The following WLS variants were observed in gnomAD, a reference collection of about 807,000 sequenced individuals.
The protein encoded by WLS is protein wntless homolog.
In WLS, 23 loss-of-function variants were observed where a neutral mutation model predicts 62.8. The observed-to-expected ratio is 0.37, with a 90% CI of 0.26 to 0.52. WLS has a LOEUF of 0.52. Ranked by LOEUF, WLS falls within the 20% of genes least tolerant of loss-of-function variation. The pLI, the probability that WLS is intolerant of heterozygous loss-of-function variation, is 0.92. For synonymous variants in WLS, 246 were observed against 244.1 expected, an observed-to-expected ratio of 1.01 and a Z score of -0.07; for missense variants, 615 against 697.3, an observed-to-expected ratio of 0.88 and a Z score of 1.33.
intron 11 of WLS, among the ~76,000 whole-genome samples, chr1:68,119,784 C>T (rs1646341420): frequency 6.6e-6 from 1 of 152,216 alleles, no homozygotes; most frequent in African/African-American, 2.4e-5. Context: ...AAGGCACAAA[C>T]GCTGTTTTAA....
rs112323133 is a variant in WLS, at chr1:68,204,719, C to T, written c.107-10492G>A. On this transcript the variant is annotated intron_variant, in intron 1 of 11. Coordinates refer to ENST00000262348, the MANE Select transcript of WLS (RefSeq NM_024911.7). ...TCTAGCTCAAGGGCCGTCTCTCCTT[C>T]ATTCAATTTGTTAAATGCCTATAGT... 1.2e-3 allele frequency among the ~76,000 whole-genome samples: 177 copies of T among 152,310 alleles called. 1 individual carries two copies. The highest frequency in any genetic ancestry group is 4.2e-3 in the African/African-American group (173 of 41,556).
chr1:68,136,256 T>C (rs544203754), intron 11 of WLS, among the ~76,000 whole-genome samples: 2 of 152,236 alleles, frequency 1.3e-5, no homozygotes, highest in African/African-American at 4.8e-5. Flanking sequence ...AATCTAGAAC[T>C]CTTACTTCTA....
At chr1:68,210,287 C>T (rs1649460180) in intron 1 of WLS, among the ~76,000 whole-genome samples, 1 of 152,118 alleles carries the variant, frequency 6.6e-6, no homozygotes, top group African/African-American at 2.4e-5. Flanking sequence ...GGAGTCTAAA[C>T]CAGACCAGGG....
chr1:68,220,686 G>A (rs1297601581), intron 1 of WLS, among the ~76,000 whole-genome samples: 2 of 152,040 alleles, frequency 1.3e-5, no homozygotes, highest in African/African-American at 4.8e-5. Context: ...GGAAAACCTC[G>A]AGCCAACACT....
intron 1 of WLS, among the ~76,000 whole-genome samples, chr1:68,228,520 A>G (rs1650259838): frequency 6.6e-6 from 1 of 152,108 alleles, no homozygotes; most frequent in South Asian, 2.1e-4. Context: ...AATTCACCCA[A>G]CATGAAATCA....
At position 68,137,768 on chromosome 1, in the gene WLS, A is replaced by G. The variant is rs1481796659; in HGVS notation, c.1516+12T>C. The G allele has an allele frequency of 6.2e-7, 1 of 1,612,968 alleles. No homozygotes were observed. The highest frequency in any genetic ancestry group is 8.5e-7 in the Non-Finnish European group (1 of 1,179,512). On this transcript the variant is annotated intron_variant, in intron 11 of 11. Coordinates refer to ENST00000262348, the MANE Select transcript of WLS (RefSeq NM_024911.7). ...TCCTGACTTAAGCTGTTCTAAAGAGACAGAAACTCACCATTGGACTGGTCT... is the reference window on the plus strand; with the variant it reads ...TCCTGACTTAAGCTGTTCTAAAGAGGCAGAAACTCACCATTGGACTGGTCT...
intron 3 of WLS, among the ~76,000 whole-genome samples, 172 bp downstream of exon 3, chr1:68,158,951 G>C (rs964565057): frequency 1.3e-5 from 2 of 152,200 alleles, no homozygotes; most frequent in African/African-American, 4.8e-5. Context: ...CAAAAGCAAA[G>C]TTAGGAAAGG....
intron 7 of WLS, among the ~76,000 whole-genome samples, 166 bp from the exon 8 acceptor site, chr1:68,148,365 G>A (rs988475650): frequency 1.3e-5 from 2 of 152,120 alleles, no homozygotes; most frequent in African/African-American, 4.8e-5. Flanking sequence ...AGAATACATC[G>A]GCCCAAATAT....
At chr1:68,222,792 G>T (rs897881956) in intron 1 of WLS, among the ~76,000 whole-genome samples, 1 of 151,770 alleles carries the variant, frequency 6.6e-6, no homozygotes, top group African/African-American at 2.4e-5. Flanking sequence ...AAAGTGTATG[G>T]ATACAATGGA....
At chr1:68,178,303 G>A (rs549834222) in intron 2 of WLS, among the ~76,000 whole-genome samples, 4 of 152,162 alleles carry the variant, frequency 2.6e-5, no homozygotes, top group Non-Finnish European at 5.9e-5. Flanking sequence ...CCATGAATTA[G>A]ACTGTGAGCT....
At chr1:68,222,855 A>G (rs2915124) in intron 1 of WLS, among the ~76,000 whole-genome samples, 47,783 of 144,002 alleles carry the variant, frequency 0.33, 8,825 homozygotes, top group East Asian at 0.83. Flanking sequence ...TTTAGGGTGG[A>G]ATCAAGTATC....
chr1:68,131,353 C>T (rs995528768), intron 11 of WLS, among the ~76,000 whole-genome samples: 5 of 152,232 alleles, frequency 3.3e-5, no homozygotes, highest in East Asian at 1.9e-4. Flanking sequence ...CCTAGCATAT[C>T]GGCACTGGTG....
intron 4 of WLS, among the ~76,000 whole-genome samples, 183 bp downstream of exon 4, chr1:68,154,916 A>G (rs1214102857): frequency 6.6e-6 from 1 of 152,238 alleles, no homozygotes; most frequent in Non-Finnish European, 1.5e-5. Context: ...AAGTGGGCAC[A>G]ATAATTGCAT....
At chr1:68,129,881 A>AAGAAAAG (rs1646493119) in intron 11 of WLS, among the ~76,000 whole-genome samples, 1 of 152,198 alleles carries the variant, frequency 6.6e-6, no homozygotes, top group Non-Finnish European at 1.5e-5. Context: ...AGAAAGAAAA[A>AAGAAAAG]AGAAAAGAAT....
intron 1 of WLS, among the ~76,000 whole-genome samples, chr1:68,208,826 C>T (rs976881983): frequency 1.3e-5 from 2 of 152,216 alleles, no homozygotes; most frequent in African/African-American, 2.4e-5. Flanking sequence ...CTTAGAAAGG[C>T]GTGTTAGGAG....
In WLS at chr1:68,134,965, C is replaced by T. The variant is rs545747575; in HGVS notation, c.1516+2815G>A. ...CCTGCCTCTGCAGGGTTGGCCACAGCTCTGGGCTCCCACTTGCTGAACAGT... is the reference window on the plus strand; with the variant it reads ...CCTGCCTCTGCAGGGTTGGCCACAGTTCTGGGCTCCCACTTGCTGAACAGT... On this transcript the variant is annotated intron_variant, in intron 11 of 11. Coordinates refer to ENST00000262348, the MANE Select transcript of WLS (RefSeq NM_024911.7). Among the ~76,000 whole-genome samples the T allele has an allele frequency of 3.7e-4, 56 of 152,348 alleles. No individual in the cohort carries two copies. The South Asian group carries it at 0.011, about 29-fold the overall frequency.
intron 1 of WLS, among the ~76,000 whole-genome samples, chr1:68,204,891 C>T (rs543244284): frequency 1.3e-5 from 2 of 152,166 alleles, no homozygotes; most frequent in Admixed American, 6.5e-5. Flanking sequence ...AAATTATAAG[C>T]TCCTAAGGGG....
At chr1:68,161,586 C>G (rs113495899) in intron 2 of WLS, among the ~76,000 whole-genome samples, 1 of 152,184 alleles carries the variant, frequency 6.6e-6, no homozygotes, top group Non-Finnish European at 1.5e-5. Context: ...CGTAAGCAGA[C>G]GACATCTTCA....
chr1:68,106,718 G>C (rs1419358039), intron 11 of WLS, among the ~76,000 whole-genome samples: 1 of 41,492 alleles, frequency 2.4e-5, no homozygotes. Flanking sequence ...GTTTGTCACT[G>C]TGTGTGTGTG....
Sources: allele counts gnomAD v4.1 joint callset (sites outside exome capture counted in the v4.1 genomes callset), GRCh38; gene constraint gnomAD v4.1.1; transcripts MANE v1.5; gene names NCBI Gene and HGNC (gene_info 2026-07-23, HGNC 2026-07-21).